PLEKHM3: variants seen among roughly 807,000 people sequenced by gnomAD.
PLEKHM3 encodes the protein pleckstrin homology domain-containing family M member 3.
PLEKHM3 carries 45 observed loss-of-function variants against 81.8 expected under a neutral mutation model. That is an observed-to-expected ratio of 0.55 (90% CI 0.43 to 0.71). PLEKHM3 has a LOEUF of 0.71. Among genes scored for constraint, PLEKHM3 ranks in the 30% least tolerant of loss-of-function variants. The pLI is 0.00. For synonymous variants in PLEKHM3, 352 were observed against 356.4 expected, an observed-to-expected ratio of 0.99 and a Z score of 0.14; for missense variants, 788 against 924.3, an observed-to-expected ratio of 0.85 and a Z score of 1.91.
At chr2:207,929,504 A>G (rs117915939) in intron 5 of PLEKHM3, among the ~76,000 whole-genome samples, 1 of 152,384 alleles carries the variant, frequency 6.6e-6, no homozygotes, top group East Asian at 1.9e-4. Context: ...ACTGAAAATA[A>G]TAGAACATAC....
At chr2:207,939,308 A>C (rs1455674433) in intron 4 of PLEKHM3, among the ~76,000 whole-genome samples, 1 of 151,740 alleles carries the variant, frequency 6.6e-6, no homozygotes, top group Admixed American at 6.6e-5. Context: ...GAGAGGAAAG[A>C]AACAATCAGG....
chr2:207,970,227 A>C (rs113236761), intron 3 of PLEKHM3, among the ~76,000 whole-genome samples: 16,003 of 151,878 alleles, frequency 0.11, 957 homozygotes, highest in Non-Finnish European at 0.13. Context: ...AGAGGAGAGG[A>C]AAGAGGAGGT....
At chr2:207,847,888 T>G (rs1050098563) in intron 7 of PLEKHM3, among the ~76,000 whole-genome samples, 1 of 152,192 alleles carries the variant, frequency 6.6e-6, no homozygotes, top group Admixed American at 6.5e-5. Flanking sequence ...ACTCCCTCCC[T>G]GAAGACCGGC....
intron 7 of PLEKHM3, among the ~76,000 whole-genome samples, chr2:207,834,205 CCACAATCTCCACCTCCCAGG>C (rs2092304654): frequency 2.6e-5 from 4 of 151,266 alleles, no homozygotes; most frequent in Non-Finnish European, 4.4e-5. Flanking sequence ...TCTCAGCTCA[CCACAATCTCCACCTCCCAGG>C]TTCAAGTGAT....
intron 5 of PLEKHM3, among the ~76,000 whole-genome samples, chr2:207,914,726 C>T (rs907489528): frequency 1.3e-5 from 2 of 151,692 alleles, no homozygotes; most frequent in Non-Finnish European, 2.9e-5. Flanking sequence ...TAAATTTAAC[C>T]CCTAAACTTC....
chr2:208,009,847 C>T (rs1310251828), intron 1 of PLEKHM3, among the ~76,000 whole-genome samples: 3 of 152,164 alleles, frequency 2.0e-5, no homozygotes, highest in African/African-American at 7.2e-5. Context: ...TATTTGAATT[C>T]CTTATAGGCT....
chr2:207,957,278 TTC>T (rs1335253116), intron 3 of PLEKHM3, among the ~76,000 whole-genome samples: 1 of 152,220 alleles, frequency 6.6e-6, no homozygotes, highest in Non-Finnish European at 1.5e-5. Context: ...GAATTGTATA[TTC>T]TGTTAGTTGC....
intron 1 of PLEKHM3, among the ~76,000 whole-genome samples, 158 bp from the exon 2 acceptor site, chr2:208,002,115 T>C (rs1408453374): frequency 1.3e-5 from 2 of 152,224 alleles, no homozygotes; most frequent in Non-Finnish European, 2.9e-5. Flanking sequence ...CAGGAATACA[T>C]ATCACTACCC....
intron 5 of PLEKHM3, among the ~76,000 whole-genome samples, chr2:207,925,778 G>A (rs568232367): frequency 1.3e-4 from 20 of 152,164 alleles, no homozygotes; most frequent in Admixed American, 3.3e-4. Flanking sequence ...ACTGCCTGAG[G>A]GGCGCATTGT....
intron 7 of PLEKHM3, among the ~76,000 whole-genome samples, chr2:207,836,021 C>T (rs554419663): frequency 1.3e-5 from 2 of 152,170 alleles, no homozygotes; most frequent in African/African-American, 2.4e-5. Context: ...AGACATGGGA[C>T]CAGGAAGGGA....
chr2:207,990,614 C>T (rs1001075981), intron 2 of PLEKHM3, among the ~76,000 whole-genome samples: 5 of 152,202 alleles, frequency 3.3e-5, no homozygotes, highest in African/African-American at 1.2e-4. Context: ...AATCATGACA[C>T]TGCCACACAT....
intron 6 of PLEKHM3, among the ~76,000 whole-genome samples, chr2:207,878,644 C>A (rs1387620222): frequency 6.6e-6 from 1 of 152,072 alleles, no homozygotes; most frequent in African/African-American, 2.4e-5. Flanking sequence ...CTGTTATTCA[C>A]AATGGTTCCA....
chr2:207,977,121 T>C lies in PLEKHM3; in HGVS notation c.1076A>G (p.Tyr359Cys). The stretch of plus-strand genomic sequence containing the variant: ...AGTCCCTGATTTGAGGATGTTTTGG[T>C]ACTGTTTGGAGCTGTCCAGGACAGG... Reference protein sequence around the residue: ...PSPVLDSSKQYQNILKSGTLY... With the variant: ...PSPVLDSSKQCQNILKSGTLY... The change falls in exon 3 of 8, where the codon TAC becomes TGC. Residue 359 changes from tyrosine (Y) to cysteine (C), a missense_variant. Coordinates refer to ENST00000427836, the MANE Select transcript of PLEKHM3 (RefSeq NM_001080475.3). 2 of 1,614,190 alleles carry C rather than the reference T, an allele frequency of 1.2e-6. No homozygotes were observed. Among genetic ancestry groups the C allele is most frequent in the African/African-American group, 2.7e-5 (2 of 75,042 alleles).
At chr2:207,981,020 C>T (rs191237411) in intron 2 of PLEKHM3, among the ~76,000 whole-genome samples, 115 of 150,732 alleles carry the variant, frequency 7.6e-4, no homozygotes, top group Admixed American at 7.4e-3. Flanking sequence ...CCCAGCTACT[C>T]GGGAGGCTAA....
At chr2:207,891,893 G>T (rs1688071445) in intron 6 of PLEKHM3, among the ~76,000 whole-genome samples, 1 of 152,164 alleles carries the variant, frequency 6.6e-6, no homozygotes, top group Non-Finnish European at 1.5e-5. Flanking sequence ...TATTTTTAAA[G>T]GCTCTTGCAA....
chr2:207,862,161 T>C lies in PLEKHM3; in HGVS notation c.1951-899A>G, dbSNP rs1030912296. Among the ~76,000 whole-genome samples the C allele has an allele frequency of 4.6e-5, 7 of 152,202 alleles. No homozygotes were observed. The South Asian group carries it at 6.2e-4, about 13-fold the overall frequency. ...CCATGGGCTTCAAAGACTTCAGCAT[T>C]TCACACGCCAGCTAGATAAAATCTG... On this transcript the variant is annotated intron_variant, in intron 6 of 7. Coordinates refer to ENST00000427836, the MANE Select transcript of PLEKHM3 (RefSeq NM_001080475.3).
At chr2:207,901,155 C>T in intron 6 of PLEKHM3, 1 of 669,498 alleles carries the variant, frequency 1.5e-6, no homozygotes, top group South Asian at 1.6e-5. Flanking sequence ...CTATCCACCA[C>T]TCACAACACA....
At chr2:207,877,536 G>A (rs2092565331) in intron 6 of PLEKHM3, among the ~76,000 whole-genome samples, 1 of 152,092 alleles carries the variant, frequency 6.6e-6, no homozygotes, top group African/African-American at 2.4e-5. Flanking sequence ...ATTTTACTTC[G>A]TTCCTCACAG....
intron 1 of PLEKHM3, among the ~76,000 whole-genome samples, chr2:208,013,319 C>T (rs1047798764): frequency 6.6e-6 from 1 of 152,098 alleles, no homozygotes; most frequent in Admixed American, 6.5e-5. Context: ...AGTTTGAGAT[C>T]AGCCTGGCCA....
Sources: allele counts gnomAD v4.1 joint callset (sites outside exome capture counted in the v4.1 genomes callset), GRCh38; gene constraint gnomAD v4.1.1; transcripts MANE v1.5; gene names NCBI Gene and HGNC (gene_info 2026-07-23, HGNC 2026-07-21).